CBFA2T2: variants seen among roughly 807,000 people sequenced by gnomAD.
The protein encoded by CBFA2T2 is protein CBFA2T2.
Under a neutral mutation model 62.2 loss-of-function variants are expected in CBFA2T2, and 11 were observed. The ratio of observed to expected loss-of-function variants is 0.18; its 90% CI spans 0.11 to 0.29. The LOEUF is 0.29. CBFA2T2 is among the 10% of genes least tolerant of loss of function. The probability of loss-of-function intolerance (pLI) is 1.00; values close to 1 mark genes in which losing one functional copy is unlikely to be tolerated. For missense variants in CBFA2T2, 592 were observed against 774.1 expected (o/e 0.76, Z 2.79); for synonymous variants, 295 against 287.5 (o/e 1.03, Z -0.27).
intron 1 of CBFA2T2, among the ~76,000 whole-genome samples, chr20:33,559,159 C>CT (rs940492736): frequency 9.2e-6 from 1 of 108,568 alleles, no homozygotes; most frequent in Admixed American, 1.0e-4. Context: ...ATTGCAGCTT[C>CT]TTTTTTTCCT....
At chr20:33,632,028 CTTTTTGTTTGTTTGTTTGTTCG>C (rs2016472353) in intron 8 of CBFA2T2, among the ~76,000 whole-genome samples, 1 of 151,990 alleles carries the variant, frequency 6.6e-6, no homozygotes, top group Non-Finnish European at 1.5e-5. Context: ...GAAATTAGTT[CTTTTTGTTTGTTTGTTTGTTCG>C]TTTTTGTTTG....
chr20:33,539,826 A>T (rs919918794), intron 1 of CBFA2T2, among the ~76,000 whole-genome samples: 4 of 151,814 alleles, frequency 2.6e-5, no homozygotes, highest in Non-Finnish European at 4.4e-5. Flanking sequence ...AGCTGGGACT[A>T]TAGGTGCGTA....
intron 8 of CBFA2T2, among the ~76,000 whole-genome samples, chr20:33,634,049 A>G (rs1347527414): frequency 2.0e-5 from 3 of 151,928 alleles, no homozygotes; most frequent in Admixed American, 6.6e-5. Flanking sequence ...GCTCACTGCA[A>G]CCTCCGCCTT....
chr20:33,619,045 T>G (rs1350050309), intron 3 of CBFA2T2, among the ~76,000 whole-genome samples: 1 of 152,158 alleles, frequency 6.6e-6, no homozygotes, highest in Non-Finnish European at 1.5e-5. Flanking sequence ...GAGTTCCTGA[T>G]GATGTTCCTG....
chr20:33,605,353 G>A (rs1323979714), intron 1 of CBFA2T2, among the ~76,000 whole-genome samples: 1 of 152,222 alleles, frequency 6.6e-6, no homozygotes, highest in Non-Finnish European at 1.5e-5. Flanking sequence ...AGTTATTGGA[G>A]AATGAATGGC....
chr20:33,526,913 C>T (rs79511662), intron 1 of CBFA2T2, among the ~76,000 whole-genome samples: 26 of 152,294 alleles, frequency 1.7e-4, no homozygotes, highest in Non-Finnish European at 3.2e-4. Flanking sequence ...GGGTAAGAGT[C>T]ACAAGCATAC....
At chr20:33,524,303 A>G (rs1439945376) in intron 1 of CBFA2T2, among the ~76,000 whole-genome samples, 1 of 152,140 alleles carries the variant, frequency 6.6e-6, no homozygotes, top group African/African-American at 2.4e-5. Flanking sequence ...CTAGGCAGGA[A>G]AGAAAGAAAA....
intron 8 of CBFA2T2, among the ~76,000 whole-genome samples, chr20:33,635,786 G>C (rs2016610868): frequency 6.6e-6 from 1 of 152,146 alleles, no homozygotes. Context: ...GCTGAGGCAG[G>C]ATGACCTGAG....
chr20:33,636,026 T>A (rs765064680), intron 8 of CBFA2T2, among the ~76,000 whole-genome samples: 3 of 152,138 alleles, frequency 2.0e-5, no homozygotes, highest in Non-Finnish European at 2.9e-5. Context: ...ATTTTGAAAT[T>A]TCCGAAACAC....
intron 1 of CBFA2T2, among the ~76,000 whole-genome samples, chr20:33,498,247 CT>C (rs150003478): frequency 0.012 from 1,575 of 134,850 alleles, 16 homozygotes; most frequent in African/African-American, 0.033. Flanking sequence ...AATTTTCTTT[CT>C]TTTTTTTTTT....
chr20:33,582,670 G>C (rs955791584), intron 1 of CBFA2T2, among the ~76,000 whole-genome samples: 1 of 151,870 alleles, frequency 6.6e-6, no homozygotes, highest in African/African-American at 2.4e-5. Flanking sequence ...TGCCGGGTGC[G>C]GTGACTCACA....
intron 1 of CBFA2T2, among the ~76,000 whole-genome samples, chr20:33,536,021 G>T (rs535468659): frequency 2.0e-5 from 3 of 152,306 alleles, no homozygotes; most frequent in East Asian, 1.9e-4. Flanking sequence ...CAAGGCAGAA[G>T]AATTTTTCTT....
At chr20:33,578,997 A>G (rs1268155671) in intron 1 of CBFA2T2, among the ~76,000 whole-genome samples, 2 of 152,152 alleles carry the variant, frequency 1.3e-5, no homozygotes, top group Non-Finnish European at 2.9e-5. Flanking sequence ...AGAGGGGAGC[A>G]GTGGAATGGG....
At chr20:33,591,467 C>CAAAAAAAAAAAA (rs11475752) in intron 1 of CBFA2T2, among the ~76,000 whole-genome samples, 31 of 98,028 alleles carry the variant, frequency 3.2e-4, no homozygotes, top group East Asian at 5.8e-4. Flanking sequence ...GAGTAAATCT[C>CAAAAAAAAAAAA]AAAAAAAAAA....
intron 1 of CBFA2T2, among the ~76,000 whole-genome samples, chr20:33,543,406 G>C (rs997381133): frequency 3.3e-5 from 5 of 152,212 alleles, no homozygotes; most frequent in Admixed American, 2.6e-4. Flanking sequence ...GCAATGGAGT[G>C]CTGAAGACAA....
chr20:33,599,102 A>G (rs1601037227), intron 1 of CBFA2T2, among the ~76,000 whole-genome samples: 1 of 152,178 alleles, frequency 6.6e-6, no homozygotes. Context: ...CTCTACTAAA[A>G]TACAAAAAAA....
Position 33,546,971 on chromosome 20 carries a change from C to T in CBFA2T2, c.34+56670C>T, listed in dbSNP as rs542254801. 4.6e-5 allele frequency among the ~76,000 whole-genome samples: 7 copies of T among 151,976 alleles called. No individual in the cohort carries two copies. In the South Asian group the frequency reaches 6.3e-4, roughly 14 times the overall value. ...ATCCCAGCATTTTGGGAGGCCGAGG[C>T]GGGTGAATCATCTGAGGTCAGGAGT... is the stretch of plus-strand genomic sequence containing the variant. On this transcript the variant is annotated intron_variant, in intron 1 of 10. Coordinates refer to ENST00000342704, the MANE Select transcript of CBFA2T2 (RefSeq NM_001032999.3).
intron 3 of CBFA2T2, among the ~76,000 whole-genome samples, chr20:33,615,238 G>C (rs1053967918): frequency 6.6e-6 from 1 of 152,204 alleles, no homozygotes; most frequent in Non-Finnish European, 1.5e-5. Flanking sequence ...TGTATAAGAA[G>C]TAAGGTACTG....
chr20:33,495,061 A>G (rs1170626111), intron 1 of CBFA2T2, among the ~76,000 whole-genome samples: 2 of 152,164 alleles, frequency 1.3e-5, no homozygotes, highest in African/African-American at 4.8e-5. Flanking sequence ...TTCTCAATCC[A>G]TTAGGTCTAT....
Sources: gnomAD v4.1 joint callset for allele counts (sites outside exome capture counted in the v4.1 genomes callset) on GRCh38, gnomAD v4.1.1 for gene constraint, MANE v1.5 for transcripts, NCBI Gene and HGNC (gene_info 2026-07-23, HGNC 2026-07-21) for gene names.